Variants in NFS1 observed in about 807,000 individuals in gnomAD.
The protein encoded by NFS1 is cysteine desulfurase.
NFS1 carries 26 observed loss-of-function variants against 57.3 expected under a neutral mutation model. The ratio of observed to expected loss-of-function variants is 0.45; its 90% CI spans 0.33 to 0.63. NFS1 has a LOEUF of 0.63. Among genes scored for constraint, NFS1 ranks in the 20% least tolerant of loss-of-function variants. The probability of loss-of-function intolerance (pLI) is 0.02; values close to 1 mark genes in which losing one functional copy is unlikely to be tolerated. For synonymous variants in NFS1, 209 were observed against 216.3 expected, an observed-to-expected ratio of 0.97 and a Z score of 0.30; for missense variants, 505 against 605.8, an observed-to-expected ratio of 0.83 and a Z score of 1.75.
chr20:35,675,874 A>G (rs896947517), intron 7 of NFS1: 6 of 111,426 alleles, frequency 5.4e-5, no homozygotes, highest in African/African-American at 2.3e-4. Context: ...CTGTCTCCCA[A>G]AAAAAAAAAA....
Position 35,674,594 on chromosome 20 carries a change from C to T in NFS1, c.972G>A (p.Lys324=). The T allele has an allele frequency of 6.2e-7, 1 of 1,614,162 alleles. No homozygotes were observed. The highest frequency in any genetic ancestry group is 8.5e-7 in the Non-Finnish European group (1 of 1,180,024). Residue 324 remains lysine, a synonymous_variant, in exon 9 of 13, where the codon AAG becomes AAA. Transcript: ENST00000374092. The part of the protein sequence containing the change: ...EMEYDHKRIS[K]LSERLIQNIM... ...TATTCTGTATCAGCCGCTCTGACAACTTTGAGATTCGCTTGTGGTCATACT... is the reference window on the plus strand; with the variant it reads ...TATTCTGTATCAGCCGCTCTGACAATTTTGAGATTCGCTTGTGGTCATACT...
Position 35,697,792 on chromosome 20 carries a change from C to T in NFS1, c.216G>A (p.Arg72=). The T allele has an allele frequency of 1.2e-6, 2 of 1,611,070 alleles. No homozygotes were observed. The highest frequency in any genetic ancestry group is 4.5e-5 in the East Asian group (2 of 44,868). ...GGTAAGGGAGCATGGCATCAAGCAC[C>T]CGGGGGTCCTGAACACAACAGAACA... The part of the protein sequence containing the change: ...DVQATTPLDP[R]VLDAMLPYLI... The change falls in exon 3 of 13, where the codon CGG becomes CGA. Residue 72 remains arginine, a synonymous_variant. Coordinates refer to ENST00000374092, the MANE Select transcript of NFS1 (RefSeq NM_021100.5).
chr20:35,674,831 C>T, intron 8 of NFS1: 1 of 701,762 alleles, frequency 1.4e-6, no homozygotes, highest in Non-Finnish European at 2.4e-6. Context: ...TTTACTTATC[C>T]AGAAATAAAT....
intron 7 of NFS1, 133 bp downstream of exon 7, chr20:35,680,604 T>C: frequency 1.5e-6 from 1 of 683,094 alleles, no homozygotes; most frequent in Non-Finnish European, 2.2e-6. Context: ...TAAATGACAT[T>C]TGCATTCTAC....
At chr20:35,689,693 C>A (rs902156516) in intron 5 of NFS1, among the ~76,000 whole-genome samples, 1 of 151,784 alleles carries the variant, frequency 6.6e-6, no homozygotes, top group African/African-American at 2.4e-5. Context: ...TCGCTTGAAC[C>A]CGGGAGGCAG....
At chr20:35,675,296 T>A in intron 7 of NFS1, 94 bp from the exon 8 acceptor site, 1 of 1,308,524 alleles carries the variant, frequency 7.6e-7, no homozygotes, top group Non-Finnish European at 1.0e-6. Flanking sequence ...TTACTTCAAC[T>A]TTTCTGTAAG....
At chr20:35,692,807 G>A (rs2035067648) in intron 4 of NFS1, among the ~76,000 whole-genome samples, 2 of 152,010 alleles carry the variant, frequency 1.3e-5, no homozygotes, top group Non-Finnish European at 2.9e-5. Context: ...TTTGAGACCA[G>A]CCTAGTCAAC....
chr20:35,684,866 C>G (rs943245182), intron 5 of NFS1, among the ~76,000 whole-genome samples: 4 of 151,818 alleles, frequency 2.6e-5, no homozygotes, highest in African/African-American at 9.7e-5. Context: ...GAGTTTGAGA[C>G]CAGCCTTGCA....
At chr20:35,695,081 T>C (rs1330658608) in intron 4 of NFS1, among the ~76,000 whole-genome samples, 1 of 152,284 alleles carries the variant, frequency 6.6e-6, no homozygotes, top group African/African-American at 2.4e-5. Context: ...AAAAGAAACA[T>C]CATCACAGGT....
chr20:35,689,134 A>G (rs2034996301), intron 5 of NFS1, among the ~76,000 whole-genome samples: 1 of 152,218 alleles, frequency 6.6e-6, no homozygotes, highest in Admixed American at 6.5e-5. Context: ...AGTCCCTGGC[A>G]TCCTGCACAT....
Position 35,680,829 on chromosome 20 carries a change from G to C in NFS1, c.698C>G (p.Ala233Gly). Residue 233 changes from alanine (A) to glycine (G), a missense_variant, in exon 7 of 13, where the codon GCA (alanine) becomes GGA (glycine). By Grantham distance (60) the Ala-to-Gly change is moderately conservative. Transcript: ENST00000374092. ...TGGGATTTTTCCAACAGCCTGGGCT[G>C]CATCAGTATGGAAATATACCTTTCT... ...SSRKVYFHTD[A>G]AQAVGKIPLD... The C allele has an allele frequency of 6.3e-7, 1 of 1,579,498 alleles. No homozygotes were observed. The highest frequency in any genetic ancestry group is 8.6e-7 in the Non-Finnish European group (1 of 1,164,396).
intron 4 of NFS1, among the ~76,000 whole-genome samples, chr20:35,692,582 T>A (rs1215409651): frequency 2.2e-5 from 3 of 134,662 alleles, no homozygotes; most frequent in Admixed American, 7.7e-5. Flanking sequence ...GTGGTACACA[T>A]CTGTAGTCCC....
chr20:35,674,262 C>T, intron 10 of NFS1, 88 bp downstream of exon 10: 1 of 1,050,364 alleles, frequency 9.5e-7, no homozygotes. Flanking sequence ...GGTCTTGTGC[C>T]TATCATCTCC....
intron 5 of NFS1, among the ~76,000 whole-genome samples, chr20:35,688,988 T>A (rs2034993575): frequency 6.6e-6 from 1 of 152,174 alleles, no homozygotes; most frequent in Non-Finnish European, 1.5e-5. Flanking sequence ...ACAAACAGCA[T>A]GTTAGGATTT....
chr20:35,698,103 T>C (rs2035171665), intron 2 of NFS1, among the ~76,000 whole-genome samples: 1 of 152,206 alleles, frequency 6.6e-6, no homozygotes, highest in Non-Finnish European at 1.5e-5. Flanking sequence ...ATGTGATCTA[T>C]AAGGGGCTGG....
chr20:35,675,017 T>C (rs996733576), intron 8 of NFS1, 28 bp downstream of exon 8: 1 of 1,613,516 alleles, frequency 6.2e-7, no homozygotes. Context: ...GGGGAAGAAG[T>C]TGTGGGAGGG....
At position 35,674,611 on chromosome 20, in the gene NFS1, G is replaced by C; in HGVS notation, c.955C>G (p.His319Asp). The C allele has an allele frequency of 6.2e-7, 1 of 1,613,526 alleles. No individual in the cohort carries two copies. Among genetic ancestry groups the C allele is most frequent in the Non-Finnish European group, 8.5e-7 (1 of 1,179,496 alleles). Reference protein sequence around the residue: ...EVAQQEMEYDHKRISKLSERL... With the variant: ...EVAQQEMEYDDKRISKLSERL... The stretch of plus-strand genomic sequence containing the variant: ...TCTGACAACTTTGAGATTCGCTTGT[G>C]GTCATACTAAGGAGCAGGCAAGGAA... The change falls in exon 9 of 13, where the codon CAC becomes GAC. Residue 319 changes from histidine (H) to aspartate (D), a missense_variant. Coordinates refer to ENST00000374092, the MANE Select transcript of NFS1 (RefSeq NM_021100.5).
chr20:35,672,844 C>T lies in NFS1; in HGVS notation c.1221G>A (p.Arg407=). 6.3e-7 allele frequency: 1 copy of T among 1,591,928 alleles called. No homozygotes were observed. Among genetic ancestry groups the T allele is most frequent in the Non-Finnish European group, 8.5e-7 (1 of 1,169,636 alleles). ...TDEDLAHSSI[R]FGIGRFTTEE... The stretch of plus-strand genomic sequence containing the variant: ...CTGTAGTGAAGCGGCCAATTCCAAA[C>T]CTGAAAAAAGGCACAGGAGAATGGC... The change falls in exon 12 of 13, where the codon AGG becomes AGA. Residue 407 remains arginine, a splice_region_variant and synonymous_variant. Coordinates refer to ENST00000374092, the MANE Select transcript of NFS1 (RefSeq NM_021100.5).
intron 5 of NFS1, among the ~76,000 whole-genome samples, chr20:35,685,571 T>C (rs2034925225): frequency 6.8e-6 from 1 of 146,432 alleles, no homozygotes; most frequent in African/African-American, 2.5e-5. Context: ...TATATATATA[T>C]ATAGCAGCCG....
Sources: allele counts gnomAD v4.1 joint callset (sites outside exome capture counted in the v4.1 genomes callset), GRCh38; gene constraint gnomAD v4.1.1; transcripts MANE v1.5; gene names NCBI Gene and HGNC (gene_info 2026-07-23, HGNC 2026-07-21).